Variants in ADAM32 observed in about 807,000 individuals in gnomAD.
ADAM32 encodes the protein ADAM metallopeptidase domain 32.
In ADAM32, 89 loss-of-function variants were observed where a neutral mutation model predicts 114.9. The ratio of observed to expected loss-of-function variants is 0.77; its 90% confidence interval spans 0.65 to 0.92. ADAM32 has a LOEUF of 0.92. Ranked by LOEUF, ADAM32 falls within the 40% of genes least tolerant of loss-of-function variation. The pLI is 0.00. For synonymous variants in ADAM32, 285 were observed against 307.5 expected (o/e 0.93, Z 0.77); for missense variants, 870 against 932.8 (o/e 0.93, Z 0.88).
chr8:39,261,772 G>A (rs1349903755), intron 19 of ADAM32, among the ~76,000 whole-genome samples: 2 of 151,890 alleles, frequency 1.3e-5, no homozygotes, highest in Admixed American at 1.3e-4. Context: ...ACCTCATTGT[G>A]GTTTTGATTT....
At chr8:39,276,493 C>T (rs958378210) in intron 22 of ADAM32, among the ~76,000 whole-genome samples, 4 of 152,054 alleles carry the variant, frequency 2.6e-5, no homozygotes, top group African/African-American at 9.7e-5. Context: ...TTTTACTGCT[C>T]CCTCTCTGAG....
At chr8:39,228,480 G>T (rs961268405) in intron 14 of ADAM32, among the ~76,000 whole-genome samples, 3 of 152,086 alleles carry the variant, frequency 2.0e-5, no homozygotes, top group African/African-American at 4.8e-5. Context: ...GTAGCTTAAA[G>T]AAAAAACATA....
chr8:39,266,929 T>G (rs1345931748), intron 19 of ADAM32, among the ~76,000 whole-genome samples: 3 of 152,188 alleles, frequency 2.0e-5, no homozygotes, highest in Non-Finnish European at 4.4e-5. Context: ...AAGGCTCAAA[T>G]TAGCATTCCT....
intron 11 of ADAM32, among the ~76,000 whole-genome samples, chr8:39,204,536 TA>T (rs1375457419): frequency 5.9e-5 from 9 of 152,338 alleles, no homozygotes; most frequent in African/African-American, 2.2e-4. Context: ...ATTCGTCTAA[TA>T]TTTTTTCAAG....
chr8:39,284,125 G>A (rs550633874), intron 24 of ADAM32, among the ~76,000 whole-genome samples: 4 of 152,052 alleles, frequency 2.6e-5, no homozygotes, highest in Non-Finnish European at 4.4e-5. Context: ...TTACTAATGA[G>A]TATTTAAATA....
chr8:39,186,851 T>C (rs759139885), intron 10 of ADAM32, 58 bp from the exon 11 acceptor site: 49 of 1,385,720 alleles, frequency 3.5e-5, no homozygotes, highest in African/African-American at 2.2e-4. Flanking sequence ...TAGAAAATTA[T>C]TTTTACCACC....
chr8:39,168,666 T>A (rs1246038757), intron 9 of ADAM32: 1 of 152,180 alleles, frequency 6.6e-6, no homozygotes, highest in African/African-American at 2.4e-5. Context: ...CAACTTTTAG[T>A]CTGCTAGAGT....
chr8:39,177,301 C>T (rs528127431), intron 10 of ADAM32, among the ~76,000 whole-genome samples: 11 of 152,204 alleles, frequency 7.2e-5, no homozygotes, highest in African/African-American at 1.9e-4. Context: ...CCTCAAGTGA[C>T]CTGCCCACCT....
In ADAM32 at chr8:39,154,193, C is replaced by T. The variant is rs553157159; in HGVS notation, c.525+2645C>T. On this transcript the variant is annotated intron_variant, in intron 6 of 24. Transcript: ENST00000379907. Reference sequence around the variant, plus strand: ...TTCTAGTGCTATCCCTCCCCTACCCCCCATCTCCCCGACAGGCCCCAGTGT... The same window carrying T: ...TTCTAGTGCTATCCCTCCCCTACCCTCCATCTCCCCGACAGGCCCCAGTGT... Among the ~76,000 whole-genome samples, 5 of 152,090 alleles carry T rather than the reference C, an allele frequency of 3.3e-5. No individual in the cohort carries two copies. The South Asian group carries it at 8.3e-4, about 25-fold the overall frequency.
intron 2 of ADAM32, among the ~76,000 whole-genome samples, chr8:39,122,635 G>T (rs1801844781): frequency 6.6e-6 from 1 of 152,174 alleles, no homozygotes; most frequent in Admixed American, 6.5e-5. Context: ...GGAGTGCAGT[G>T]GTGCTATCTT....
chr8:39,278,693 C>A (rs1210174950), intron 22 of ADAM32, among the ~76,000 whole-genome samples: 1 of 151,558 alleles, frequency 6.6e-6, no homozygotes, highest in African/African-American at 2.4e-5. Context: ...TTAATACCTG[C>A]TAAGAGCTTA....
intron 11 of ADAM32, among the ~76,000 whole-genome samples, chr8:39,198,658 G>A (rs117705146): frequency 0.011 from 1,740 of 152,312 alleles, 21 homozygotes; most frequent in Admixed American, 0.026. Context: ...GATTACAGGC[G>A]TGAGCCATCA....
intron 6 of ADAM32, chr8:39,158,638 T>C (rs957394078): frequency 1.3e-4 from 27 of 202,390 alleles, no homozygotes; most frequent in Non-Finnish European, 2.6e-4. Context: ...TGCCTACTGC[T>C]GTGTTTCCAA....
Position 39,186,669 on chromosome 8 carries a change from C to A in ADAM32, c.916-240C>A, listed in dbSNP as rs187423973. On this transcript the variant is annotated intron_variant, in intron 10 of 24. Transcript: ENST00000379907. ...TTTTTTATATATTGATACTAACTAC[C>A]TAAGAATTATGTTAGGTGTTCAGTT... Among the ~76,000 whole-genome samples, 402 of 152,186 alleles carry A rather than the reference C, an allele frequency of 2.6e-3. 1 individual carries two copies. The highest frequency in any genetic ancestry group is 0.017 in the Middle Eastern group (5 of 294).
chr8:39,211,390 G>T, intron 12 of ADAM32, 66 bp downstream of exon 12: 1 of 1,359,514 alleles, frequency 7.4e-7, no homozygotes, highest in East Asian at 2.7e-5. Context: ...TTTCATAAAT[G>T]TCATATATCT....
chr8:39,182,115 G>A (rs1461407797), intron 10 of ADAM32, among the ~76,000 whole-genome samples: 1 of 152,166 alleles, frequency 6.6e-6, no homozygotes, highest in Non-Finnish European at 1.5e-5. Flanking sequence ...TGCAGTGATA[G>A]ACCAATAGAC....
chr8:39,257,157 G>GTTTTTTTTT (rs200807312), intron 18 of ADAM32, 30 bp from the exon 19 acceptor site: 7 of 1,284,662 alleles, frequency 5.4e-6, no homozygotes, highest in African/African-American at 1.6e-5. Flanking sequence ...TAATTTTTTT[G>GTTTTTTTTT]TTTTTTTTTT....
chr8:39,223,748 T>C (rs1809153695), intron 14 of ADAM32: 1 of 152,148 alleles, frequency 6.6e-6, no homozygotes, highest in Admixed American at 6.5e-5. Flanking sequence ...CTTGAACTTA[T>C]TTATTTTGCA....
At chr8:39,148,670 A>G (rs1803650372) in intron 4 of ADAM32, among the ~76,000 whole-genome samples, 1 of 152,204 alleles carries the variant, frequency 6.6e-6, no homozygotes, top group African/African-American at 2.4e-5. Flanking sequence ...CTTGGAATAT[A>G]ATAAAAATTT....
Sources: allele counts gnomAD v4.1 joint callset (sites outside exome capture counted in the v4.1 genomes callset), GRCh38; gene constraint gnomAD v4.1.1; transcripts MANE v1.5; gene names NCBI Gene and HGNC (gene_info 2026-07-23, HGNC 2026-07-21).